OMD: variants seen among roughly 807,000 people sequenced by gnomAD.
OMD encodes KSPG osteomodulin.
In OMD, 19 loss-of-function variants were observed where a neutral mutation model predicts 31.2. The observed-to-expected ratio is 0.61, with a 90% CI of 0.42 to 0.89. The LOEUF (loss-of-function observed/expected upper bound fraction) is 0.89, where lower values mean the gene tolerates loss of function less well. Among genes scored for constraint, OMD ranks in the 40% least tolerant of loss-of-function variants. The pLI is 0.00. For missense variants in OMD, 448 were observed against 490.8 expected, an observed-to-expected ratio of 0.91 and a Z score of 0.82; for synonymous variants, 155 against 166.4, an observed-to-expected ratio of 0.93 and a Z score of 0.53.
chr9:92,423,912 G>T (rs1179533869), intron 1 of OMD, among the ~76,000 whole-genome samples: 3 of 152,030 alleles, frequency 2.0e-5, no homozygotes, highest in Non-Finnish European at 4.4e-5. Flanking sequence ...GAAAGAGATT[G>T]ATTCCTTTAA....
At position 92,412,928 on chromosome 9, in the gene OMD, T is replaced by C. The variant is rs1588111746; in HGVS notation, c.*2224A>G. Among the ~76,000 whole-genome samples, 1 of 151,826 alleles carries C rather than the reference T, an allele frequency of 6.6e-6. No homozygotes were observed. The highest frequency in any genetic ancestry group is 2.4e-5 in the African/African-American group (1 of 41,324). On this transcript the variant is annotated 3_prime_UTR_variant, in exon 3 of 3. Transcript: ENST00000375550. ...GTGTGAACATGTGTGTTCAGTTCTATTGGGTATATAGTTAGGAATGGAATC... is the reference window on the plus strand; with the variant it reads ...GTGTGAACATGTGTGTTCAGTTCTACTGGGTATATAGTTAGGAATGGAATC...
intron 1 of OMD, among the ~76,000 whole-genome samples, chr9:92,421,503 T>C (rs552749382): frequency 6.6e-6 from 1 of 152,230 alleles, no homozygotes; most frequent in South Asian, 2.1e-4. Flanking sequence ...TATGGTATCA[T>C]ACCAAAGGGC....
chr9:92,415,224 A>G lies in OMD; in HGVS notation c.1194T>C (p.Asn398=). Residue 398 remains asparagine (N), a synonymous_variant, in exon 3 of 3, where the codon AAT becomes AAC. Coordinates refer to ENST00000375550, the MANE Select transcript of OMD (RefSeq NM_005014.3). ...CTTCTTGTTCTGGGCTCTCATGAGC[A>G]TTGTCAGGATCATCGTGATCTTCAC... ...DESEDHDDPD[N]AHESPEQEGA... is the part of the protein sequence containing the mutation. The G allele has an allele frequency of 1.2e-6, 2 of 1,613,892 alleles. No individual in the cohort carries two copies. The highest frequency in any genetic ancestry group is 1.7e-6 in the Non-Finnish European group (2 of 1,179,866).
intron 2 of OMD, among the ~76,000 whole-genome samples, chr9:92,416,102 TA>T (rs1190186521): frequency 2.4e-4 from 34 of 140,244 alleles, no homozygotes; most frequent in African/African-American, 7.6e-4. Flanking sequence ...TTATTTATTT[TA>T]TTTTTTTTTT....
intron 1 of OMD, among the ~76,000 whole-genome samples, chr9:92,420,651 T>C (rs1019511017): frequency 1.3e-5 from 2 of 151,268 alleles, no homozygotes; most frequent in African/African-American, 4.9e-5. Flanking sequence ...GCTTCTTTTT[T>C]TTAAGTCAAG....
intron 2 of OMD, among the ~76,000 whole-genome samples, chr9:92,416,226 A>G (rs1843608662): frequency 6.6e-6 from 1 of 151,596 alleles, no homozygotes; most frequent in Non-Finnish European, 1.5e-5. Context: ...CGGCCTCTTA[A>G]GTAGCTGGGA....
At chr9:92,422,750 C>A (rs1172775359) in intron 1 of OMD, among the ~76,000 whole-genome samples, 1 of 152,088 alleles carries the variant, frequency 6.6e-6, no homozygotes, top group East Asian at 1.9e-4. Flanking sequence ...TTTTCTATGC[C>A]TCTTGCTCTT....
In OMD at chr9:92,417,561, T is replaced by G; in HGVS notation, c.-3A>C. On this transcript the variant is annotated 5_prime_UTR_variant, in exon 2 of 3. Coordinates refer to ENST00000375550, the MANE Select transcript of OMD (RefSeq NM_005014.3). ...TATATTGGACTTAAAAAACCCATCT[T>G]CTTTTTTTTTTTCCTATTGCAAGGA... is the stretch of plus-strand genomic sequence containing the variant. 1.3e-6 allele frequency: 2 copies of G among 1,544,146 alleles called. No homozygotes were observed. Among genetic ancestry groups the G allele is most frequent in the South Asian group, 2.4e-5 (2 of 81,806 alleles).
At position 92,417,627 on chromosome 9, in the gene OMD, A is replaced by G. The variant is rs569111482; in HGVS notation, c.-16-53T>C. 289 of 898,206 alleles carry G rather than the reference A, an allele frequency of 3.2e-4. No homozygotes were observed. The African/African-American group carries it at 4.2e-3, about 13-fold the overall frequency. 55.6% of individuals were successfully genotyped at this position (898,206 alleles called of 1,614,324 possible). A position where few individuals can be genotyped will look rare whatever the true frequency, so the allele number is the denominator to read the frequency against. On this transcript the variant is annotated intron_variant, in intron 1 of 2. Transcript: ENST00000375550. The stretch of plus-strand genomic sequence containing the variant: ...TGGAGAAAGTGAGTAAACTCAGAAT[A>G]CGCTTTGTATAAATTCTCAGTTATA...
rs142056236 is a variant in OMD, at chr9:92,415,345, T to C, written c.1073A>G (p.His358Arg). ...TCGTTGTTCACCATAATAAATAGTGTGTATATGAGGGAAGCAGAAGAAGAT... is the reference window on the plus strand; with the variant it reads ...TCGTTGTTCACCATAATAAATAGTGCGTATATGAGGGAAGCAGAAGAAGAT... ...SYIFFCFPHI[H>R]TIYYGEQRST... The change falls in exon 3 of 3, where the codon CAC (histidine) becomes CGC (arginine). Residue 358 changes from histidine to arginine, a missense_variant. Transcript: ENST00000375550. The C allele has an allele frequency of 1.2e-4, 197 of 1,613,456 alleles. No homozygotes were observed. The highest frequency in any genetic ancestry group is 4.9e-4 in the Middle Eastern group (3 of 6,078).
chr9:92,415,961 T>C (rs2130956709), intron 2 of OMD, among the ~76,000 whole-genome samples: 1 of 145,556 alleles, frequency 6.9e-6, no homozygotes, highest in Non-Finnish European at 1.5e-5. Context: ...ACGCTCTGTA[T>C]AAATTGTCAG....
chr9:92,418,301 G>A lies in OMD; in HGVS notation c.-16-727C>T, dbSNP rs183337115. ...GGGGTTTCTCCATCTTGGCCAGGCT[G>A]GTCTCTAACTCCTGACCTCAGGTGA... is the stretch of plus-strand genomic sequence containing the variant. On this transcript the variant is annotated intron_variant, in intron 1 of 2. Coordinates refer to ENST00000375550, the MANE Select transcript of OMD (RefSeq NM_005014.3). Among the ~76,000 whole-genome samples the A allele has an allele frequency of 2.1e-3, 318 of 151,582 alleles. 1 individual carries two copies. The highest frequency in any genetic ancestry group is 7.2e-3 in the African/African-American group (296 of 41,284).
At position 92,414,251 on chromosome 9, in the gene OMD, G is replaced by GTAT. The variant is rs1449686420; in HGVS notation, c.*898_*900dup. On this transcript the variant is annotated 3_prime_UTR_variant, in exon 3 of 3. Transcript: ENST00000375550. ...TTGGCTGATAAGCATAAAGTGTTTAGTATTATCTTTAGAACTTTATTTTGC... is the reference window on the plus strand; with the variant it reads ...TTGGCTGATAAGCATAAAGTGTTTAGTATTATTATCTTTAGAACTTTATTTTGC... The GTAT allele has an allele frequency of 1.1e-5, 2 of 183,540 alleles. No individual in the cohort carries two copies. Among genetic ancestry groups the GTAT allele is most frequent in the African/African-American group, 4.7e-5 (2 of 42,658 alleles). 11.4% of individuals were successfully genotyped at this position (183,540 alleles called of 1,614,324 possible).
At chr9:92,415,998 T>TTA (rs1041135203) in intron 2 of OMD, among the ~76,000 whole-genome samples, 1 of 145,654 alleles carries the variant, frequency 6.9e-6, no homozygotes, top group Non-Finnish European at 1.5e-5. Context: ...AAATTATCAG[T>TTA]TATATATATA....
Position 92,417,229 on chromosome 9 carries a change from T to C in OMD, c.330A>G (p.Ser110=). 1 of 1,614,062 alleles carries C rather than the reference T, an allele frequency of 6.2e-7. No homozygotes were observed. The highest frequency in any genetic ancestry group is 8.5e-7 in the Non-Finnish European group (1 of 1,179,980). Residue 110 remains serine (S), a synonymous_variant, in exon 2 of 3, where the codon TCA becomes TCG. Transcript: ENST00000375550. ...CTTTAAGATGAGTTGCATTGATGAA[T>C]GAATTTGCAGTCACAGCCTCAATTT... The part of the protein sequence containing the change: ...FNEIEAVTAN[S]FINATHLKEI...
intron 1 of OMD, among the ~76,000 whole-genome samples, chr9:92,418,507 A>G (rs1165650392): frequency 1.3e-5 from 2 of 152,086 alleles, no homozygotes; most frequent in African/African-American, 2.4e-5. Flanking sequence ...TTACTAGGGT[A>G]TAGATCTATG....
chr9:92,423,778 A>G (rs1029720212), intron 1 of OMD, among the ~76,000 whole-genome samples: 5 of 152,120 alleles, frequency 3.3e-5, no homozygotes, highest in African/African-American at 1.2e-4. Context: ...CTTGAGTGAA[A>G]TTTGTACAAA....
rs149366414 is a variant in OMD at position 92,419,512 on chromosome 9, G to T, written c.-16-1938C>A. On this transcript the variant is annotated intron_variant, in intron 1 of 2. Coordinates refer to ENST00000375550, the MANE Select transcript of OMD (RefSeq NM_005014.3). ...GATGGAGTTTCACCATGTTGACCAGGCTGCTCTCGAACTCCTGACCTCATG... is the reference window on the plus strand; with the variant it reads ...GATGGAGTTTCACCATGTTGACCAGTCTGCTCTCGAACTCCTGACCTCATG... 7.2e-5 allele frequency among the ~76,000 whole-genome samples: 11 copies of T among 152,072 alleles called. 1 individual carries two copies. In the East Asian group the frequency reaches 2.1e-3, roughly 29 times the overall value.
intron 1 of OMD, among the ~76,000 whole-genome samples, chr9:92,420,768 A>G (rs1843767494): frequency 6.6e-6 from 1 of 150,758 alleles, no homozygotes; most frequent in Admixed American, 6.6e-5. Context: ...TTTTTTTTTT[A>G]ACAATATGTG....
Sources: gnomAD v4.1 joint callset for allele counts (sites outside exome capture counted in the v4.1 genomes callset) on GRCh38, gnomAD v4.1.1 for gene constraint, MANE v1.5 for transcripts, NCBI Gene and HGNC (gene_info 2026-07-23, HGNC 2026-07-21) for gene names.